FLII: variants seen among roughly 807,000 people sequenced by gnomAD.
FLII encodes the protein protein flightless-1 homolog.
A neutral mutation model predicts 156.2 loss-of-function variants in FLII; 101 were observed. The observed-to-expected ratio is 0.65, with a 90% CI of 0.55 to 0.76. The LOEUF (loss-of-function observed/expected upper bound fraction) is 0.76, where lower values mean the gene tolerates loss of function less well. Ranked by LOEUF, FLII falls within the 30% of genes least tolerant of loss-of-function variation. The pLI is 0.00. For synonymous variants in FLII, 767 were observed against 685.8 expected, an observed-to-expected ratio of 1.12 and a Z score of -1.85; for missense variants, 1,675 against 1,682.8, an observed-to-expected ratio of 1.00 and a Z score of 0.08.
intron 21 of FLII, 48 bp downstream of exon 21, chr17:18,247,121 C>CGGGGGGGGGGGCGGG: frequency 7.2e-7 from 1 of 1,398,096 alleles, no homozygotes; most frequent in Non-Finnish European, 9.4e-7. Context: ...CGCCCTCGGC[C>CGGGGGGGGGGGCGGG]TGCCCCCCAC....
In FLII at chr17:18,251,484, G is replaced by T. The variant is rs758901247; in HGVS notation, c.1384-7C>A. 1.9e-6 allele frequency: 3 copies of T among 1,598,376 alleles called. No homozygotes were observed. The highest frequency in any genetic ancestry group is 1.7e-5 in the Admixed American group (1 of 59,512). ...CCCGGGCATCTGCGCTCTCCTGGGG[G>T]CAGAGTCACAGAGCACGGCTTGACT... On this transcript the variant is annotated splice_polypyrimidine_tract_variant and splice_region_variant and intron_variant, in intron 12 of 29. Coordinates refer to ENST00000327031, the MANE Select transcript of FLII (RefSeq NM_002018.4).
In FLII at chr17:18,249,167, A is replaced by G. The variant is rs996537152; in HGVS notation, c.1894T>C (p.Leu632=). 1 of 1,614,006 alleles carries G rather than the reference A, an allele frequency of 6.2e-7. No individual in the cohort carries two copies. The highest frequency in any genetic ancestry group is 1.3e-5 in the African/African-American group (1 of 74,916). ...GTCCCCTTGAGGGGCACAGGCTCCAACTTGATGTTCTTTTTCCCATACACA... is the reference window on the plus strand; with the variant it reads ...GTCCCCTTGAGGGGCACAGGCTCCAGCTTGATGTTCTTTTTCCCATACACA... The part of the protein sequence containing the change: ...YRVYGKKNIK[L]EPVPLKGTSL... Residue 632 remains leucine (L), a synonymous_variant, in exon 16 of 30, where the codon TTG becomes CTG. Transcript: ENST00000327031.
rs759448466 is a variant in FLII at position 18,245,432 on chromosome 17, C to G, written c.3610-13G>C. The G allele has an allele frequency of 1.2e-6, 2 of 1,613,992 alleles. No individual in the cohort carries two copies. Among genetic ancestry groups the G allele is most frequent in the Admixed American group, 1.7e-5 (1 of 60,020 alleles). On this transcript the variant is annotated splice_polypyrimidine_tract_variant and intron_variant, in intron 28 of 29. Coordinates refer to ENST00000327031, the MANE Select transcript of FLII (RefSeq NM_002018.4). ...CCCACATGTAGACCTGTGGGGGCAG[C>G]AGGGGAGATACGGTTGCATGGGTGC...
At position 18,258,598 on chromosome 17, in the gene FLII, G is replaced by A. The variant is rs781583252; in HGVS notation, c.63+30C>T. 1.3e-6 allele frequency: 2 copies of A among 1,544,496 alleles called. No homozygotes were observed. Among genetic ancestry groups the A allele is most frequent in the South Asian group, 1.2e-5 (1 of 84,280 alleles). ...CCGGGCGGAAGAGAAGGCCTGCAGG[G>A]AGGCCCGGCACGCGCCCGGCCCGGC... is the stretch of plus-strand genomic sequence containing the variant. On this transcript the variant is annotated intron_variant, in intron 1 of 29. Coordinates refer to ENST00000327031, the MANE Select transcript of FLII (RefSeq NM_002018.4). This position sits in a 1 kb window ranked among gnomAD's most constrained non-coding sequence, Gnocchi z 4.2.
chr17:18,249,917 G>A (rs1316447139), intron 14 of FLII, among the ~76,000 whole-genome samples: 5 of 151,822 alleles, frequency 3.3e-5, no homozygotes, highest in African/African-American at 7.3e-5. Context: ...TCAGGAGTTC[G>A]AGACCAGCCT....
rs199804606 is a variant in FLII, at chr17:18,246,926, C to T, written c.2803G>A (p.Val935Ile). The change falls in exon 22 of 30, where the codon GTC becomes ATC. Residue 935 changes from valine to isoleucine, a missense_variant. Transcript: ENST00000327031. ...FGHFYTQDCY[V>I]FLCRYWVPVE... ...CTGAGGTGGTACCTGCAGAGGAAGA[C>T]GTAGCAGTCCTGCGTGTAGAAGTGG... 7 of 1,614,168 alleles carry T rather than the reference C, an allele frequency of 4.3e-6. No individual in the cohort carries two copies. The highest frequency in any genetic ancestry group is 4.2e-6 in the Non-Finnish European group (5 of 1,180,026).
chr17:18,246,024 A>G lies in FLII; in HGVS notation c.3306T>C (p.Tyr1102=). 1 of 1,614,100 alleles carries G rather than the reference A, an allele frequency of 6.2e-7. No individual in the cohort carries two copies. The change falls in exon 26 of 30, where the codon TAT becomes TAC. Residue 1102 remains tyrosine, a synonymous_variant. Transcript: ENST00000327031. The stretch of plus-strand genomic sequence containing the variant: ...GGTCTGATGCCCGGCCCACCCAGGC[A>G]TACACGATGCCCTGGTTGTCCTCAC... ...FESEDNQGIV[Y]AWVGRASDPD...
Position 18,246,389 on chromosome 17 carries a change from C to G in FLII, c.3125G>C (p.Arg1042Pro). 1 of 1,614,020 alleles carries G rather than the reference C, an allele frequency of 6.2e-7. No individual in the cohort carries two copies. The highest frequency in any genetic ancestry group is 8.5e-7 in the Non-Finnish European group (1 of 1,179,998). The stretch of plus-strand genomic sequence containing the variant: ...GCCCTGGACCGCCTTCCTCTTGCCC[C>G]GGTGGATGATGAACTTCCTCTTGAA... The part of the protein sequence containing the change: ...SHFKRKFIIH[R>P]GKRKAVQGAQ... The change falls in exon 24 of 30, where the codon CGG becomes CCG. Residue 1042 changes from arginine to proline, a missense_variant. Physicochemically the swap from Arg to Pro is moderately radical, Grantham distance 103. Around this residue, in one of 2 missense-constraint regions of FLII, gnomAD observed 1,332 missense variants for 1,269.3 expected, o/e 1.05. Transcript: ENST00000327031.
intron 2 of FLII, 109 bp from the exon 3 acceptor site, chr17:18,256,706 C>T (rs2048428614): frequency 1.0e-6 from 1 of 997,136 alleles, no homozygotes; most frequent in East Asian, 2.6e-5. Flanking sequence ...CACACTGGCC[C>T]AACTACCCCT....
At chr17:18,249,472 C>G in intron 14 of FLII, 64 bp from the exon 15 acceptor site, 1 of 1,277,662 alleles carries the variant, frequency 7.8e-7, no homozygotes, top group Non-Finnish European at 1.1e-6. Flanking sequence ...ACCACTGCCC[C>G]TCAGGTGGGG....
In FLII at chr17:18,258,310, G is replaced by T; in HGVS notation, c.63+318C>A. ...CGTGTGACCTCAGAGGGGCGGGGAGGCTCGCCCGATCCCCAGGCCACCATC... is the reference window on the plus strand; with the variant it reads ...CGTGTGACCTCAGAGGGGCGGGGAGTCTCGCCCGATCCCCAGGCCACCATC... On this transcript the variant is annotated intron_variant, in intron 1 of 29. Coordinates refer to ENST00000327031, the MANE Select transcript of FLII (RefSeq NM_002018.4). This position sits in a 1 kb window ranked among gnomAD's most constrained non-coding sequence, Gnocchi z 4.2. 1 of 565,286 alleles carries T rather than the reference G, an allele frequency of 1.8e-6. No homozygotes were observed. The highest frequency in any genetic ancestry group is 3.5e-5 in the East Asian group (1 of 28,618). 35.0% of individuals were successfully genotyped at this position (565,286 alleles called of 1,614,324 possible).
intron 7 of FLII, 146 bp downstream of exon 7, chr17:18,253,933 C>G (rs2048342670): frequency 1.3e-6 from 1 of 758,630 alleles, no homozygotes; most frequent in Non-Finnish European, 2.1e-6. Flanking sequence ...AAGGCATCAT[C>G]ATAATCGCAA....
At chr17:18,247,574 A>G in intron 20 of FLII, 83 bp downstream of exon 20, 1 of 1,303,182 alleles carries the variant, frequency 7.7e-7, no homozygotes, top group Non-Finnish European at 1.0e-6. Flanking sequence ...CCAGCTCTGT[A>G]GGGAGGTAGT....
chr17:18,250,606 T>C (rs1027244559), intron 14 of FLII, among the ~76,000 whole-genome samples: 1 of 152,226 alleles, frequency 6.6e-6, no homozygotes. Context: ...CTTGCCCGGC[T>C]GAATTCTGCC....
At chr17:18,256,489 C>G (rs1338202109) in intron 3 of FLII, 37 bp downstream of exon 3, 8 of 1,530,386 alleles carry the variant, frequency 5.2e-6, no homozygotes, top group Middle Eastern at 3.4e-4. Flanking sequence ...ACCTTGGCCC[C>G]AACCCCAAGC....
chr17:18,253,353 C>T lies in FLII; in HGVS notation c.961G>A (p.Glu321Lys), dbSNP rs779298585. 3 of 1,613,976 alleles carry T rather than the reference C, an allele frequency of 1.9e-6. No homozygotes were observed. The highest frequency in any genetic ancestry group is 3.3e-5 in the Admixed American group (2 of 60,024). Reference protein sequence around the residue: ...SGIGKLTNLEEFMAANNNLEL... With the variant: ...SGIGKLTNLEKFMAANNNLEL... ...AGGTTGTTGTTGGCAGCCATGAACTCTTCCAGGTTGGTGAGCTTGCCAATG... is the reference window on the plus strand; with the variant it reads ...AGGTTGTTGTTGGCAGCCATGAACTTTTCCAGGTTGGTGAGCTTGCCAATG... The change falls in exon 9 of 30, where the codon GAG becomes AAG. Residue 321 changes from glutamate to lysine, a missense_variant. Physicochemically the swap from Glu to Lys is moderately conservative, Grantham distance 56. Coordinates refer to ENST00000327031, the MANE Select transcript of FLII (RefSeq NM_002018.4).
chr17:18,248,057 A>G, intron 18 of FLII, 24 bp from the exon 19 acceptor site: 1 of 1,554,020 alleles, frequency 6.4e-7, no homozygotes, highest in Non-Finnish European at 8.9e-7. Context: ...TGAGCATGGC[A>G]GGGAAGGGAT....
intron 9 of FLII, 106 bp from the exon 10 acceptor site, chr17:18,252,662 C>T: frequency 1.2e-6 from 1 of 836,740 alleles, no homozygotes; most frequent in Non-Finnish European, 2.0e-6. Context: ...GTCAGAGGAA[C>T]TGGCGGGGGT....
chr17:18,253,529 G>C lies in FLII; in HGVS notation c.855+15C>G, dbSNP rs373076146. On this transcript the variant is annotated intron_variant, in intron 8 of 29. Coordinates refer to ENST00000327031, the MANE Select transcript of FLII (RefSeq NM_002018.4). ...GGCCTTCCTCCCATCCCCCTACTGAGGGCCTCAGACGCACGGGCAGTGAGG... is the reference window on the plus strand; with the variant it reads ...GGCCTTCCTCCCATCCCCCTACTGACGGCCTCAGACGCACGGGCAGTGAGG... 1.9e-5 allele frequency: 30 copies of C among 1,613,034 alleles called. No individual in the cohort carries two copies. In the African/African-American group the frequency reaches 3.9e-4, roughly 21 times the overall value.
Sources: gnomAD v4.1 joint callset for allele counts (sites outside exome capture counted in the v4.1 genomes callset) on GRCh38, gnomAD v4.1.1 for gene constraint, gnomAD v4.1.1 regional missense constraint, Gnocchi (gnomAD v3.1) non-coding constraint, MANE v1.5 for transcripts, NCBI Gene and HGNC (gene_info 2026-07-23, HGNC 2026-07-21) for gene names.